Variants in CEP70 observed in about 807,000 individuals in gnomAD.
CEP70 encodes the protein centrosomal protein 70.
A neutral mutation model predicts 90.9 loss-of-function variants in CEP70; 70 were observed. The observed-to-expected ratio is 0.77, with a 90% CI of 0.64 to 0.94. The LOEUF (loss-of-function observed/expected upper bound fraction) is 0.94, where lower values mean the gene tolerates loss of function less well. Ranked by LOEUF, CEP70 falls within the 40% of genes least tolerant of loss-of-function variation. The probability of loss-of-function intolerance (pLI) is 0.00; values close to 1 mark genes in which losing one functional copy is unlikely to be tolerated. For synonymous variants in CEP70, 220 were observed against 228.3 expected (o/e 0.96, Z 0.33); for missense variants, 648 against 669.0 (o/e 0.97, Z 0.35).
At chr3:138,511,672 A>G (rs963195903) in intron 11 of CEP70, among the ~76,000 whole-genome samples, 3 of 152,232 alleles carry the variant, frequency 2.0e-5, no homozygotes, top group Non-Finnish European at 4.4e-5. Flanking sequence ...ACCCTCACTT[A>G]ATAATGACAG....
At chr3:138,591,627 T>A (rs2042387895) in intron 2 of CEP70, among the ~76,000 whole-genome samples, 1 of 152,214 alleles carries the variant, frequency 6.6e-6, no homozygotes, top group South Asian at 2.1e-4. Context: ...CACAGCAGGA[T>A]GGAGACTGTG....
chr3:138,557,911 A>G (rs2040136215), intron 6 of CEP70, among the ~76,000 whole-genome samples: 1 of 152,218 alleles, frequency 6.6e-6, no homozygotes, highest in African/African-American at 2.4e-5. Context: ...TTCTATGCTT[A>G]AGGAAATAAA....
chr3:138,584,476 A>G (rs961120415), intron 2 of CEP70, among the ~76,000 whole-genome samples: 3 of 150,104 alleles, frequency 2.0e-5, no homozygotes, highest in Admixed American at 6.6e-5. Context: ...AAAAAAAAAA[A>G]AAAGAGAGAG....
intron 13 of CEP70, 48 bp downstream of exon 13, chr3:138,505,245 CAT>C (rs1188723146): frequency 1.5e-6 from 2 of 1,368,752 alleles, no homozygotes; most frequent in South Asian, 1.8e-5. Flanking sequence ...TAATAAAGCA[CAT>C]AGAGTCCAAT....
At chr3:138,577,128 A>G (rs1373453620) in intron 2 of CEP70, among the ~76,000 whole-genome samples, 1 of 150,942 alleles carries the variant, frequency 6.6e-6, no homozygotes, top group Non-Finnish European at 1.5e-5. Context: ...TCTCACTCAT[A>G]GGTGGGAACT....
chr3:138,520,069 A>G (rs2108781567), intron 11 of CEP70, among the ~76,000 whole-genome samples: 1 of 152,338 alleles, frequency 6.6e-6, no homozygotes, highest in East Asian at 1.9e-4. Context: ...ACCAACAAAG[A>G]TCAAAAGAGA....
In CEP70 at chr3:138,495,860, A is replaced by C. The variant is rs530805025; in HGVS notation, c.1733-784T>G. On this transcript the variant is annotated intron_variant, in intron 17 of 17. Coordinates refer to ENST00000264982, the MANE Select transcript of CEP70 (RefSeq NM_024491.4). ...GAGAGCAAGACTATGTCTCAAAAAA[A>C]ACAATTATCTGCCTAATCAAAAAGA... The C allele has an allele frequency of 1.8e-4, 174 of 984,814 alleles. No homozygotes were observed. In the Middle Eastern group the frequency reaches 2.1e-3, roughly 12 times the overall value. The allele number at this position is 984,814 out of a possible 1,614,324, so 61.0% of individuals were successfully genotyped here.
At chr3:138,577,290 C>T (rs1009982732) in intron 2 of CEP70, among the ~76,000 whole-genome samples, 1 of 152,100 alleles carries the variant, frequency 6.6e-6, no homozygotes, top group Non-Finnish European at 1.5e-5. Flanking sequence ...CACATGTATA[C>T]ATATGTAACA....
chr3:138,542,729 G>A (rs1371382604), intron 6 of CEP70, among the ~76,000 whole-genome samples: 7 of 152,170 alleles, frequency 4.6e-5, no homozygotes, highest in South Asian at 4.1e-4. Flanking sequence ...CCGGCGAGTC[G>A]GCCAGGAACG....
At chr3:138,554,386 A>G (rs971464316) in intron 6 of CEP70, among the ~76,000 whole-genome samples, 1 of 152,026 alleles carries the variant, frequency 6.6e-6, no homozygotes, top group Non-Finnish European at 1.5e-5. Context: ...TACTCTCACC[A>G]CTTCTATTGA....
intron 5 of CEP70, 73 bp from the exon 6 acceptor site, chr3:138,570,571 G>C (rs1278362989): frequency 3.5e-6 from 4 of 1,149,910 alleles, no homozygotes; most frequent in Non-Finnish European, 3.8e-6. Context: ...ATCCATATAA[G>C]AATGTATTGC....
At chr3:138,579,486 G>A (rs2041735725) in intron 2 of CEP70, among the ~76,000 whole-genome samples, 1 of 151,612 alleles carries the variant, frequency 6.6e-6, no homozygotes, top group African/African-American at 2.4e-5. Context: ...CAAGAGGGAA[G>A]AGTAAAGAGG....
Position 138,505,403 on chromosome 3 carries a change from C to G in CEP70, c.1113G>C (p.Gln371His), listed in dbSNP as rs1011209555. The G allele has an allele frequency of 1.9e-6, 3 of 1,611,486 alleles. No homozygotes were observed. In the African/African-American group the frequency reaches 4.0e-5, roughly 22 times the overall value. ...NPRAPVIIYK[Q>H]TKGGVQNFNK... is the part of the protein sequence containing the mutation. ...TAAAATTTTGGACTCCCCCTTTGGT[C>G]TGTTTATAAATTATTACTGGAGCTC... Residue 371 changes from glutamine (Q) to histidine (H), a missense_variant, in exon 13 of 18, where the codon CAG becomes CAC. Gln to His is a conservative substitution (Grantham distance 24). Coordinates refer to ENST00000264982, the MANE Select transcript of CEP70 (RefSeq NM_024491.4).
chr3:138,538,027 A>C (rs1474594917), intron 6 of CEP70, among the ~76,000 whole-genome samples: 1 of 152,170 alleles, frequency 6.6e-6, no homozygotes, highest in Non-Finnish European at 1.5e-5. Context: ...CTAATCTGCA[A>C]GGAATTGCCT....
rs1407056984 is a variant in CEP70 at position 138,530,794 on chromosome 3, G to C, written c.693-1332C>G. The C allele has an allele frequency of 3.0e-6, 3 of 984,880 alleles. No homozygotes were observed. In the African/African-American group the frequency reaches 5.2e-5, roughly 17 times the overall value. The allele number at this position is 984,880 out of a possible 1,614,324, so 61.0% of individuals were successfully genotyped here. A position where few individuals can be genotyped will look rare whatever the true frequency, so the allele number is the denominator to read the frequency against. ...CTGTTACAGTACTCCTACTTCTTTAGATGATACCTATATCCTATTTGTAGA... is the reference window on the plus strand; with the variant it reads ...CTGTTACAGTACTCCTACTTCTTTACATGATACCTATATCCTATTTGTAGA... On this transcript the variant is annotated intron_variant, in intron 8 of 17. Coordinates refer to ENST00000264982, the MANE Select transcript of CEP70 (RefSeq NM_024491.4).
rs1015129547 is a variant in CEP70 at position 138,574,724 on chromosome 3, C to G, written c.-5-1792G>C. ...CTGACACCTCATACAGCCAGGTGCC[C>G]CTCTGAGATGAAGATTTCAGAGGAA... On this transcript the variant is annotated intron_variant, in intron 2 of 17. Coordinates refer to ENST00000264982, the MANE Select transcript of CEP70 (RefSeq NM_024491.4). 2.6e-5 allele frequency among the ~76,000 whole-genome samples: 4 copies of G among 152,124 alleles called. No individual in the cohort carries two copies. The East Asian group carries it at 7.7e-4, about 29-fold the overall frequency.
At chr3:138,507,289 C>A (rs780238094) in intron 12 of CEP70, among the ~76,000 whole-genome samples, 1 of 152,102 alleles carries the variant, frequency 6.6e-6, no homozygotes, top group African/African-American at 2.4e-5. Flanking sequence ...AAAGATGACC[C>A]TGATGAAAGT....
In CEP70 at chr3:138,494,357, T is replaced by C. The variant is rs1157424479; in HGVS notation, c.*658A>G. ...AGGACACTTATGTTTGGAAATTCTT[T>C]ACAGAAATTTTATTTGAGATCTCAA... On this transcript the variant is annotated 3_prime_UTR_variant, in exon 18 of 18. Transcript: ENST00000264982. 1 of 152,188 alleles carries C rather than the reference T, an allele frequency of 6.6e-6. No individual in the cohort carries two copies. The highest frequency in any genetic ancestry group is 2.4e-5 in the African/African-American group (1 of 41,438). The allele number at this position is 152,188 out of a possible 1,614,324, so 9.4% of individuals were successfully genotyped here.
At chr3:138,554,068 G>A (rs1309110701) in intron 6 of CEP70, among the ~76,000 whole-genome samples, 1 of 151,934 alleles carries the variant, frequency 6.6e-6, no homozygotes, top group Non-Finnish European at 1.5e-5. Flanking sequence ...AGGCATGGTG[G>A]TGCATGCCTG....
Sources: allele counts gnomAD v4.1 joint callset (sites outside exome capture counted in the v4.1 genomes callset), GRCh38; gene constraint gnomAD v4.1.1; transcripts MANE v1.5; gene names NCBI Gene and HGNC (gene_info 2026-07-23, HGNC 2026-07-21).